Variants in ANK3 observed in about 807,000 individuals in gnomAD.
The protein encoded by ANK3 is ankyrin-3.
A neutral mutation model predicts 370.9 loss-of-function variants in ANK3; 57 were observed. That is an observed-to-expected ratio of 0.15 (90% CI 0.12 to 0.19). The LOEUF (loss-of-function observed/expected upper bound fraction) is 0.19. ANK3 is among the 10% of genes least tolerant of loss of function. The pLI, the probability that ANK3 is intolerant of heterozygous loss-of-function variation, is 1.00. For missense variants in ANK3, 4,439 were observed against 5,302.1 expected (o/e 0.84, Z 5.06); for synonymous variants, 1,929 against 1,946.3 (o/e 0.99, Z 0.23).
At chr10:60,368,504 A>T (rs1425871852) in intron 1 of ANK3, among the ~76,000 whole-genome samples, 1 of 152,114 alleles carries the variant, frequency 6.6e-6, no homozygotes, top group Non-Finnish European at 1.5e-5. Flanking sequence ...CTAACTTTAC[A>T]TGTATTGATC....
intron 2 of ANK3, among the ~76,000 whole-genome samples, chr10:60,470,482 A>G (rs2065190122): frequency 6.6e-6 from 1 of 152,170 alleles, no homozygotes; most frequent in South Asian, 2.1e-4. Flanking sequence ...TTGAAACAAA[A>G]AAAGCCCTAG....
intron 1 of ANK3, among the ~76,000 whole-genome samples, chr10:60,649,565 A>G (rs1025176905): frequency 3.9e-5 from 6 of 152,180 alleles, no homozygotes; most frequent in Non-Finnish European, 8.8e-5. Context: ...CATATTTTTG[A>G]TACACATCTT....
At chr10:60,123,969 C>T (rs990381515) in intron 25 of ANK3, among the ~76,000 whole-genome samples, 2 of 151,536 alleles carry the variant, frequency 1.3e-5, no homozygotes, top group African/African-American at 4.9e-5. Context: ...CACTCCATAG[C>T]CCAGTGACTG....
chr10:60,455,518 T>C (rs1169001249), intron 2 of ANK3, among the ~76,000 whole-genome samples: 3 of 152,222 alleles, frequency 2.0e-5, no homozygotes, highest in Non-Finnish European at 4.4e-5. Context: ...CAACAGTTTA[T>C]AATTGGTCAC....
chr10:60,437,431 T>C (rs1225969402), intron 2 of ANK3, among the ~76,000 whole-genome samples: 1 of 152,204 alleles, frequency 6.6e-6, no homozygotes, highest in African/African-American at 2.4e-5. Flanking sequence ...GGCTGTCATG[T>C]AGGGGAACCC....
rs545152028 is a variant in ANK3 at position 60,555,611 on chromosome 10, G to A, written c.96+59575C>T. ...ATCTGAAGACCATAAAAGAAACTTG[G>A]GTGGTTCTTCTGAATAGGTCATTCT... is the stretch of plus-strand genomic sequence containing the variant. On this transcript the variant is annotated intron_variant, in intron 2 of 43. Coordinates refer to the ANK3 transcript ENST00000373827. Among the ~76,000 whole-genome samples, 7 of 152,156 alleles carry A rather than the reference G, an allele frequency of 4.6e-5. No homozygotes were observed. The East Asian group carries it at 7.7e-4, about 17-fold the overall frequency.
At chr10:60,450,442 C>G (rs1265787377) in intron 2 of ANK3, among the ~76,000 whole-genome samples, 2 of 152,132 alleles carry the variant, frequency 1.3e-5, no homozygotes, top group African/African-American at 4.8e-5. Flanking sequence ...TCTTTCTAGA[C>G]AGTATGAGCT....
intron 18 of ANK3, among the ~76,000 whole-genome samples, chr10:60,179,709 A>C (rs1451375255): frequency 1.3e-5 from 2 of 151,450 alleles, no homozygotes; most frequent in Middle Eastern, 3.4e-3. Flanking sequence ...AAGACTACCA[A>C]CTGGGACCTG....
chr10:60,044,988 C>CA (rs1321260282), intron 42 of ANK3, among the ~76,000 whole-genome samples: 6 of 151,622 alleles, frequency 4.0e-5, no homozygotes, highest in African/African-American at 1.5e-4. Flanking sequence ...TTGCCATAGG[C>CA]AAAAAAATAG....
chr10:60,507,781 A>G (rs2075978523), intron 2 of ANK3: 1 of 152,118 alleles, frequency 6.6e-6, no homozygotes, highest in Non-Finnish European at 1.5e-5. Context: ...GGATTTAGCT[A>G]TAACAGTCCT....
chr10:60,688,485 T>G (rs1370331163), intron 1 of ANK3, among the ~76,000 whole-genome samples: 1 of 152,260 alleles, frequency 6.6e-6, no homozygotes, highest in Non-Finnish European at 1.5e-5. Context: ...TGAGGATAGA[T>G]CTCATGCTAA....
At chr10:60,306,248 C>A (rs756873121) in intron 1 of ANK3, among the ~76,000 whole-genome samples, 2 of 151,952 alleles carry the variant, frequency 1.3e-5, no homozygotes, top group Non-Finnish European at 2.9e-5. Flanking sequence ...ATTATATCAC[C>A]CTTATGCCTT....
intron 23 of ANK3, among the ~76,000 whole-genome samples, chr10:60,143,669 C>G (rs559820726): frequency 6.6e-6 from 1 of 152,324 alleles, no homozygotes; most frequent in Admixed American, 6.5e-5. Context: ...CCGCCTCACC[C>G]TTACCTCCAA....
chr10:60,355,361 T>A (rs1309835979), intron 1 of ANK3, among the ~76,000 whole-genome samples: 1 of 149,930 alleles, frequency 6.7e-6, no homozygotes, highest in African/African-American at 2.4e-5. Flanking sequence ...TCAGTGATCA[T>A]TTTTTTTTTA....
chr10:60,201,723 T>C (rs7894975), intron 12 of ANK3, among the ~76,000 whole-genome samples: 46,208 of 149,116 alleles, frequency 0.31, 7,198 homozygotes, highest in South Asian at 0.4. Context: ...TTTTTTTTTT[T>C]TTTTTTGAGA....
intron 1 of ANK3, among the ~76,000 whole-genome samples, chr10:60,344,879 A>G (rs532115689): frequency 6.6e-6 from 1 of 152,340 alleles, no homozygotes; most frequent in South Asian, 2.1e-4. Flanking sequence ...GATGAGATTT[A>G]AAGAAATGTG....
intron 1 of ANK3, among the ~76,000 whole-genome samples, chr10:60,691,237 C>A (rs1265829766): frequency 6.6e-6 from 1 of 152,098 alleles, no homozygotes; most frequent in East Asian, 1.9e-4. Context: ...CATTCATACC[C>A]CAAACCCCAG....
At chr10:60,677,245 A>T (rs2079137025) in intron 1 of ANK3, among the ~76,000 whole-genome samples, 1 of 152,208 alleles carries the variant, frequency 6.6e-6, no homozygotes, top group East Asian at 1.9e-4. Flanking sequence ...CTTTCAAAGA[A>T]CTGAATGACC....
chr10:60,509,487 T>C (rs1225798711), intron 2 of ANK3, among the ~76,000 whole-genome samples: 1 of 152,156 alleles, frequency 6.6e-6, no homozygotes, highest in Non-Finnish European at 1.5e-5. Flanking sequence ...AGAATAAAGA[T>C]ATGTGTGCTT....
Sources: allele counts gnomAD v4.1 joint callset (sites outside exome capture counted in the v4.1 genomes callset), GRCh38; gene constraint gnomAD v4.1.1; transcripts MANE v1.5; gene names NCBI Gene and HGNC (gene_info 2026-07-23, HGNC 2026-07-21).